Variants in PARM1 observed in about 807,000 individuals in gnomAD.
PARM1 encodes prostate androgen-regulated mucin-like protein 1.
PARM1 carries 14 observed loss-of-function variants against 24.6 expected under a neutral mutation model. The observed-to-expected ratio is 0.57, with a 90% CI of 0.38 to 0.89. The LOEUF is 0.89. Ranked by LOEUF, PARM1 falls within the 40% of genes least tolerant of loss-of-function variation. The pLI, the probability that PARM1 is intolerant of heterozygous loss-of-function variation, is 0.00. For missense variants in PARM1, 362 were observed against 380.4 expected, an observed-to-expected ratio of 0.95 and a Z score of 0.40; for synonymous variants, 179 against 156.6, an observed-to-expected ratio of 1.14 and a Z score of -1.07.
chr4:75,012,735 A>G lies in PARM1; in HGVS notation c.354A>G (p.Leu118=). The G allele has an allele frequency of 6.2e-7, 1 of 1,613,900 alleles. No individual in the cohort carries two copies. The highest frequency in any genetic ancestry group is 8.5e-7 in the Non-Finnish European group (1 of 1,179,864). ...GFSSTSGGVH[L]TTTLEEHSSG... ...CGTCAACAAGCGGTGGAGTCCACTT[A>G]ACAACCACGTTGGAGGAACACAGCT... The change falls in exon 2 of 4, where the codon TTA becomes TTG. Residue 118 remains leucine (L), a synonymous_variant. Transcript: ENST00000307428.
chr4:74,973,473 C>G (rs909053095), intron 1 of PARM1, among the ~76,000 whole-genome samples: 1 of 147,312 alleles, frequency 6.8e-6, no homozygotes, highest in Non-Finnish European at 1.5e-5. Flanking sequence ...GCCCCCCTCA[C>G]CGCCTCCCCA....
intron 2 of PARM1, among the ~76,000 whole-genome samples, chr4:75,033,242 C>A (rs1199722026): frequency 6.6e-6 from 1 of 152,116 alleles, no homozygotes; most frequent in Non-Finnish European, 1.5e-5. Context: ...TCACTTTAGT[C>A]TCTATAAAAC....
intron 2 of PARM1, among the ~76,000 whole-genome samples, chr4:75,028,124 T>C (rs530397439): frequency 3.6e-4 from 55 of 152,216 alleles, no homozygotes; most frequent in Non-Finnish European, 7.3e-5. Context: ...GTGAAGCTCA[T>C]AGAACAGTCC....
At chr4:75,004,591 C>T (rs1002803010) in intron 1 of PARM1, among the ~76,000 whole-genome samples, 15 of 152,100 alleles carry the variant, frequency 9.9e-5, no homozygotes, top group African/African-American at 3.1e-4. Context: ...CTGACAAGAC[C>T]GCACTGCTCA....
intron 1 of PARM1, among the ~76,000 whole-genome samples, chr4:74,987,169 A>G (rs765292353): frequency 3.3e-5 from 5 of 152,156 alleles, no homozygotes; most frequent in South Asian, 2.1e-4. Context: ...TCCCAATTTA[A>G]TCATTAATTC....
intron 1 of PARM1, among the ~76,000 whole-genome samples, chr4:74,952,370 T>G (rs1421739316): frequency 1.3e-5 from 2 of 152,254 alleles, no homozygotes; most frequent in Non-Finnish European, 2.9e-5. Flanking sequence ...TACAAACATT[T>G]TCTCCCATTC....
intron 2 of PARM1, among the ~76,000 whole-genome samples, chr4:75,013,441 G>A (rs1448380486): frequency 6.6e-6 from 1 of 152,206 alleles, no homozygotes; most frequent in Non-Finnish European, 1.5e-5. Flanking sequence ...GCATGGCTTT[G>A]GCCAAGCTTC....
intron 1 of PARM1, among the ~76,000 whole-genome samples, chr4:74,985,593 G>T (rs1722338941): frequency 6.6e-6 from 1 of 152,142 alleles, no homozygotes; most frequent in Admixed American, 6.5e-5. Flanking sequence ...AAAGTAACTT[G>T]CCCAATGTTG....
At chr4:75,045,360 G>A (rs1723580311) in intron 3 of PARM1, among the ~76,000 whole-genome samples, 1 of 152,240 alleles carries the variant, frequency 6.6e-6, no homozygotes, top group South Asian at 2.1e-4. Flanking sequence ...ACTCTGAGAT[G>A]AGGATCCATT....
At chr4:75,026,037 G>T (rs950454769) in intron 2 of PARM1, among the ~76,000 whole-genome samples, 1 of 152,194 alleles carries the variant, frequency 6.6e-6, no homozygotes, top group Non-Finnish European at 1.5e-5. Context: ...TTTTGAGAGA[G>T]GAGTAATGGG....
chr4:75,004,752 T>G (rs1053691555), intron 1 of PARM1, among the ~76,000 whole-genome samples: 3 of 152,174 alleles, frequency 2.0e-5, no homozygotes, highest in Non-Finnish European at 4.4e-5. Context: ...GTCACTTAGT[T>G]GCCCACACTA....
chr4:74,950,088 G>A (rs1187509436), intron 1 of PARM1, among the ~76,000 whole-genome samples: 1 of 152,102 alleles, frequency 6.6e-6, no homozygotes, highest in Non-Finnish European at 1.5e-5. Flanking sequence ...CAGTAAATAA[G>A]TGTCCTATCC....
intron 3 of PARM1, among the ~76,000 whole-genome samples, 155 bp downstream of exon 3, chr4:75,034,116 A>G (rs1723326242): frequency 6.6e-6 from 1 of 152,226 alleles, no homozygotes; most frequent in African/African-American, 2.4e-5. Flanking sequence ...CCTACACCAC[A>G]CAACACAGGT....
At chr4:74,982,121 G>T (rs1030357692) in intron 1 of PARM1, among the ~76,000 whole-genome samples, 4 of 152,092 alleles carry the variant, frequency 2.6e-5, no homozygotes, top group African/African-American at 9.7e-5. Context: ...CCCATAAAAA[G>T]GAATGAGATC....
intron 2 of PARM1, among the ~76,000 whole-genome samples, chr4:75,027,456 G>T (rs1723203606): frequency 2.6e-5 from 4 of 152,058 alleles, no homozygotes; most frequent in Non-Finnish European, 1.5e-5. Flanking sequence ...AAGACAAAGA[G>T]ACTTCCAATA....
chr4:75,039,034 T>C (rs1723423136), intron 3 of PARM1, among the ~76,000 whole-genome samples: 1 of 152,222 alleles, frequency 6.6e-6, no homozygotes, highest in Admixed American at 6.5e-5. Flanking sequence ...CTTCTAGTGA[T>C]TGCAGGTTGT....
chr4:75,007,858 A>C lies in PARM1; in HGVS notation c.44-4567A>C, dbSNP rs1722801638. ...GTCTTCACTCGCATGCCATGTGAGG[A>C]AAGGTCACGTGAGGACACAGATAGA... On this transcript the variant is annotated intron_variant, in intron 1 of 3. Coordinates refer to ENST00000307428, the MANE Select transcript of PARM1 (RefSeq NM_015393.4). Among the ~76,000 whole-genome samples, 3 of 152,214 alleles carry C rather than the reference A, an allele frequency of 2.0e-5. No homozygotes were observed. The South Asian group carries it at 6.2e-4, about 32-fold the overall frequency.
At chr4:74,956,359 T>A (rs1217193999) in intron 1 of PARM1, 2 of 152,232 alleles carry the variant, frequency 1.3e-5, no homozygotes, top group African/African-American at 2.4e-5. Context: ...AGACCATTTG[T>A]ATAGACTCAT....
intron 3 of PARM1, among the ~76,000 whole-genome samples, chr4:75,042,330 G>A (rs1359464483): frequency 1.3e-5 from 2 of 152,186 alleles, no homozygotes; most frequent in Non-Finnish European, 2.9e-5. Context: ...TGGCTATATT[G>A]AATCAGTGCC....
Sources: allele counts gnomAD v4.1 joint callset (sites outside exome capture counted in the v4.1 genomes callset), GRCh38; gene constraint gnomAD v4.1.1; transcripts MANE v1.5; gene names NCBI Gene and HGNC (gene_info 2026-07-23, HGNC 2026-07-21).